Variants in POMGNT1 observed in about 807,000 individuals in gnomAD.
POMGNT1 encodes the protein protein O-linked mannose N-acetylglucosaminyltransferase 1 (beta 1,2-).
A neutral mutation model predicts 95.6 loss-of-function variants in POMGNT1; 67 were observed. The observed-to-expected ratio is 0.70, with a 90% confidence interval of 0.58 to 0.86. The LOEUF is 0.86. POMGNT1 is among the 40% of genes least tolerant of loss of function. POMGNT1 has a pLI of 0.00. For missense variants in POMGNT1, 719 were observed against 855.2 expected (o/e 0.84, Z 1.99); for synonymous variants, 298 against 317.9 (o/e 0.94, Z 0.66).
At chr1:46,209,081 A>G (rs1223457661) in intron 1 of POMGNT1, among the ~76,000 whole-genome samples, 12 of 151,342 alleles carry the variant, frequency 7.9e-5, no homozygotes, top group Non-Finnish European at 4.4e-5. Flanking sequence ...CTGGAGTGCA[A>G]TGGCGCAATC....
intron 1 of POMGNT1, among the ~76,000 whole-genome samples, chr1:46,208,641 G>A (rs1376915315): frequency 6.6e-6 from 1 of 151,994 alleles, no homozygotes; most frequent in African/African-American, 2.4e-5. Context: ...TCAGGAGTTC[G>A]AGACCAGCCT....
At position 46,220,133 on chromosome 1, in the gene POMGNT1, T is replaced by G. The variant is rs1255320068; in HGVS notation, c.-479A>C. The stretch of plus-strand genomic sequence containing the variant: ...GGGAGAGGCTTCAAGGTGGACCACC[T>G]GAGTCACCAGAGGATGAGAGTGCCA... On this transcript the variant is annotated 5_prime_UTR_variant, in exon 1 of 23. Transcript: ENST00000371992. The G allele has an allele frequency of 1.9e-6, 3 of 1,614,070 alleles. No individual in the cohort carries two copies. The African/African-American group carries it at 4.0e-5, about 22-fold the overall frequency.
chr1:46,197,470 G>A, intron 2 of POMGNT1: 1 of 1,487,984 alleles, frequency 6.7e-7, no homozygotes, highest in South Asian at 1.3e-5. Context: ...AAGCCAGCCT[G>A]ATCAGACTTC....
chr1:46,214,300 C>T (rs578142820), intron 1 of POMGNT1, among the ~76,000 whole-genome samples: 3 of 150,492 alleles, frequency 2.0e-5, no homozygotes, highest in South Asian at 2.1e-4. Flanking sequence ...GAGCCGAGAT[C>T]GTGCCACTGC....
chr1:46,214,866 T>TAAAA (rs748655613), intron 1 of POMGNT1, among the ~76,000 whole-genome samples: 1 of 11,548 alleles, frequency 8.7e-5, no homozygotes, highest in Admixed American at 1.1e-3. Flanking sequence ...AGACTCCATC[T>TAAAA]CAAAAAAAAA....
At chr1:46,200,181 AAAAAT>A (rs1262738172), upstream of POMGNT1, among the ~76,000 whole-genome samples, 1 of 152,182 alleles carries the variant, frequency 6.6e-6, no homozygotes, top group Non-Finnish European at 1.5e-5. Context: ...ATAAAAAAAT[AAAAAT>A]AAATAATTAA....
rs1218328635 is a variant in POMGNT1 at position 46,193,086 on chromosome 1, A to G, written c.1152+88T>C. 1.9e-6 allele frequency: 3 copies of G among 1,605,760 alleles called. No individual in the cohort carries two copies. In the Admixed American group the frequency reaches 5.0e-5, roughly 27 times the overall value. ...CAGATGTGAAGGATGAGGCCCAGTGAGGGGAAGAGCTTGCCACGTAACAGG... is the reference window on the plus strand; with the variant it reads ...CAGATGTGAAGGATGAGGCCCAGTGGGGGGAAGAGCTTGCCACGTAACAGG... On this transcript the variant is annotated intron_variant, in intron 13 of 21. Transcript: ENST00000371984.
intron 21 of POMGNT1, 44 bp from the exon 22 acceptor site, chr1:46,189,401 T>A: frequency 6.2e-7 from 1 of 1,613,984 alleles, no homozygotes; most frequent in Non-Finnish European, 8.5e-7. Context: ...AGCCATTAGC[T>A]ATATCCCTGG....
chr1:46,219,251 C>T (rs1043180876), intron 1 of POMGNT1, among the ~76,000 whole-genome samples: 4 of 150,880 alleles, frequency 2.7e-5, no homozygotes, highest in African/African-American at 7.3e-5. Flanking sequence ...GCTGAGATCG[C>T]GCCATTGCAC....
At position 46,189,918 on chromosome 1, in the gene POMGNT1, G is replaced by A. The variant is rs556069604; in HGVS notation, c.1721C>T (p.Thr574Ile). 2.1e-5 allele frequency: 34 copies of A among 1,614,092 alleles called. No homozygotes were observed. In the Middle Eastern group the frequency reaches 6.6e-4, roughly 31 times the overall value. Residue 574 changes from threonine (T) to isoleucine (I), a missense_variant, in exon 20 of 22, where the codon ACC becomes ATC. This residue lies in a region of POMGNT1 where 130 missense variants were observed against 149.2 expected (regional missense o/e 0.87). Transcript: ENST00000371984. ...DSFLPDTEGH[T>I]YVAFIRMEKD... is the part of the protein sequence containing the mutation. ...CTCCATTCGAATAAAGGCCACGTAG[G>A]TGTGGCCCTCTGTGTCTGGCAGGAA...
chr1:46,190,096 T>TA, intron 19 of POMGNT1, 107 bp from the exon 20 acceptor site: 855 of 1,174,558 alleles, frequency 7.3e-4, no homozygotes, highest in Middle Eastern at 1.7e-3. Flanking sequence ...ACCTTGAAGT[T>TA]CTTTTTTTTT....
At chr1:46,213,247 AAC>A (rs1263716569) in intron 1 of POMGNT1, among the ~76,000 whole-genome samples, 4 of 151,482 alleles carry the variant, frequency 2.6e-5, no homozygotes, top group African/African-American at 7.2e-5. Flanking sequence ...ATAAGATTAT[AAC>A]ACAGCATATA....
chr1:46,193,524 T>C (rs534724812), intron 11 of POMGNT1, 40 bp downstream of exon 11: 15 of 1,614,068 alleles, frequency 9.3e-6, no homozygotes, highest in Admixed American at 1.7e-5. Flanking sequence ...TGCTGCTCCA[T>C]GTTGTACTCC....
At position 46,189,188 on chromosome 1, in the gene POMGNT1, A is replaced by G; in HGVS notation, c.*82T>C. 6.5e-7 allele frequency: 1 copy of G among 1,541,070 alleles called. No individual in the cohort carries two copies. On this transcript the variant is annotated 3_prime_UTR_variant, in exon 22 of 22. Coordinates refer to ENST00000371984, the MANE Select transcript of POMGNT1 (RefSeq NM_017739.4). Reference sequence around the variant, plus strand: ...GTAGCCCCAGCCCCTACCAGCATCTACAAAATCCTACAGGATGGAGGGAAG... The same window carrying G: ...GTAGCCCCAGCCCCTACCAGCATCTGCAAAATCCTACAGGATGGAGGGAAG...
At chr1:46,191,985 T>C in intron 17 of POMGNT1, 113 bp downstream of exon 17, 1 of 1,454,158 alleles carries the variant, frequency 6.9e-7, no homozygotes, top group Non-Finnish European at 9.4e-7. Context: ...AGGATAGCTC[T>C]TTCCCCAAGG....
chr1:46,192,107 G>A lies in POMGNT1; in HGVS notation c.1530C>T (p.Gly510=), dbSNP rs1465862661. The A allele has an allele frequency of 3.7e-6, 6 of 1,613,784 alleles. No homozygotes were observed. The East Asian group carries it at 1.1e-4, about 30-fold the overall frequency. The part of the protein sequence containing the change: ...HFGIVGLNMN[G]YFHEAYFKKH... ...CCTGCCTCCCACTCACGTGAAAGTA[G>A]CCATTCATGTTGAGGCCGACGATGC... The change falls in exon 17 of 22, where the codon GGC becomes GGT. Residue 510 remains glycine, a synonymous_variant. Transcript: ENST00000371984.
At chr1:46,197,938 T>G in intron 1 of POMGNT1, 67 bp from the exon 2 acceptor site, 1 of 1,496,572 alleles carries the variant, frequency 6.7e-7, no homozygotes, top group South Asian at 1.2e-5. Context: ...TCTGGGGAGA[T>G]GAGGGAGGAC....
chr1:46,213,280 CT>C (rs1658960902), intron 1 of POMGNT1, among the ~76,000 whole-genome samples: 1 of 150,328 alleles, frequency 6.7e-6, no homozygotes, highest in Non-Finnish European at 1.5e-5. Flanking sequence ...ATATATGGCA[CT>C]TGATATTGGC....
At chr1:46,194,769 C>A (rs1279452252) in intron 7 of POMGNT1, 75 bp downstream of exon 7, 11 of 1,613,428 alleles carry the variant, frequency 6.8e-6, no homozygotes, top group Non-Finnish European at 8.5e-6. Flanking sequence ...TGTTCCCCAC[C>A]CCACCCCATC....
Sources: gnomAD v4.1 joint callset for allele counts (sites outside exome capture counted in the v4.1 genomes callset) on GRCh38, gnomAD v4.1.1 for gene constraint, gnomAD v4.1.1 regional missense constraint, MANE v1.5 for transcripts, NCBI Gene and HGNC (gene_info 2026-07-23, HGNC 2026-07-21) for gene names.